Variants in ARHGAP30 observed in about 807,000 individuals in gnomAD.
ARHGAP30 encodes the protein Rho GTPase activating protein 30, also known as rho GTPase-activating protein 30.
ARHGAP30 carries 23 observed loss-of-function variants against 72.0 expected under a neutral mutation model. The ratio of observed to expected loss-of-function variants is 0.32; its 90% confidence interval spans 0.23 to 0.45. ARHGAP30 has a LOEUF of 0.45. Ranked by LOEUF, ARHGAP30 falls within the 20% of genes least tolerant of loss-of-function variation. The pLI, the probability that ARHGAP30 is intolerant of heterozygous loss-of-function variation, is 1.00. For synonymous variants in ARHGAP30, 576 were observed against 528.2 expected (o/e 1.09, Z -1.24); for missense variants, 1,319 against 1,383.4 (o/e 0.95, Z 0.74).
At chr1:161,064,182 G>T (rs1652521976) in intron 1 of ARHGAP30, among the ~76,000 whole-genome samples, 1 of 152,172 alleles carries the variant, frequency 6.6e-6, no homozygotes, top group African/African-American at 2.4e-5. Context: ...GGGCATCACG[G>T]ATCCTACCAA....
Position 161,048,859 on chromosome 1 carries a change from T to G in ARHGAP30, c.2162A>C (p.Lys721Thr). 1 of 1,614,164 alleles carries G rather than the reference T, an allele frequency of 6.2e-7. No homozygotes were observed. Among genetic ancestry groups the G allele is most frequent in the Non-Finnish European group, 8.5e-7 (1 of 1,180,040 alleles). The change falls in exon 12 of 12, where the codon AAA becomes ACA. Residue 721 changes from lysine to threonine, a missense_variant. Physicochemically the swap from Lys to Thr is moderately conservative, Grantham distance 78. This residue lies in a region of ARHGAP30 where 1,097 missense variants were observed against 1,045.2 expected (regional missense o/e 1.05). Coordinates refer to ENST00000368013, the MANE Select transcript of ARHGAP30 (RefSeq NM_001025598.2). ...EETEAKEEKSKGQKKADSMEA... is the reference protein window; with the variant it reads ...EETEAKEEKSTGQKKADSMEA... Reference sequence around the variant, plus strand: ...CATACTGTCAGCCTTCTTCTGACCTTTGGACTTCTCTTCCTTGGCCTCTGT... The same window carrying G: ...CATACTGTCAGCCTTCTTCTGACCTGTGGACTTCTCTTCCTTGGCCTCTGT...
intron 10 of ARHGAP30, among the ~76,000 whole-genome samples, chr1:161,050,064 A>G (rs1463936443): frequency 2.6e-5 from 4 of 152,290 alleles, no homozygotes; most frequent in Admixed American, 6.5e-5. Context: ...TCTATAGCCC[A>G]TGTTCTTACC....
intron 1 of ARHGAP30, among the ~76,000 whole-genome samples, chr1:161,068,517 C>T (rs1652928629): frequency 6.6e-6 from 1 of 152,062 alleles, no homozygotes; most frequent in Non-Finnish European, 1.5e-5. Context: ...AGCACCACAG[C>T]CCAGAGCAGA....
rs559291977 is a variant in ARHGAP30 at position 161,066,022 on chromosome 1, G to A, written c.97+3506C>T. Reference sequence around the variant, plus strand: ...TGGGACTACAGGCGCACACCACCATGTCCAGCTAATTTTTGTATTTTTAGT... The same window carrying A: ...TGGGACTACAGGCGCACACCACCATATCCAGCTAATTTTTGTATTTTTAGT... On this transcript the variant is annotated intron_variant, in intron 1 of 11. Coordinates refer to ENST00000368013, the MANE Select transcript of ARHGAP30 (RefSeq NM_001025598.2). Among the ~76,000 whole-genome samples, 13 of 150,916 alleles carry A rather than the reference G, an allele frequency of 8.6e-5. 1 individual carries two copies. The South Asian group carries it at 2.7e-3, about 31-fold the overall frequency.
At chr1:161,058,942 C>T (rs1652115683) in intron 2 of ARHGAP30, among the ~76,000 whole-genome samples, 1 of 151,652 alleles carries the variant, frequency 6.6e-6, no homozygotes, top group South Asian at 2.1e-4. Flanking sequence ...GTAAATATAC[C>T]ATGTGAATAG....
rs1428024818 is a variant in ARHGAP30 at position 161,055,861 on chromosome 1, A to T, written c.345+527T>A. ...ATAAAATAAATAAAATAAAATAAAT[A>T]AAATAAAATAAAATAAAATAAAAAT... is the stretch of plus-strand genomic sequence containing the variant. On this transcript the variant is annotated intron_variant, in intron 3 of 11. Transcript: ENST00000368013. Among the ~76,000 whole-genome samples, 74 of 18,304 alleles carry T rather than the reference A, an allele frequency of 4.0e-3. 1 individual carries two copies. The highest frequency in any genetic ancestry group is 0.022 in the Middle Eastern group (1 of 46). 12.0% of individuals were successfully genotyped at this position (18,304 alleles called of 152,430 possible).
Position 161,048,111 on chromosome 1 carries a change from C to T in ARHGAP30, c.2910G>A (p.Arg970=). 6.2e-7 allele frequency: 1 copy of T among 1,614,126 alleles called. No homozygotes were observed. Among genetic ancestry groups the T allele is most frequent in the South Asian group, 1.1e-5 (1 of 91,082 alleles). Residue 970 remains arginine (R), a synonymous_variant, in exon 12 of 12, where the codon CGG becomes CGA. Coordinates refer to ENST00000368013, the MANE Select transcript of ARHGAP30 (RefSeq NM_001025598.2). ...APANPCPRPG[R]LDGTPGERAW... ...CCCTTTCTCCAGGAGTCCCATCAAGCCGGCCAGGCCTCGGGCATGGATTTG... is the reference window on the plus strand; with the variant it reads ...CCCTTTCTCCAGGAGTCCCATCAAGTCGGCCAGGCCTCGGGCATGGATTTG...
chr1:161,052,730 A>G lies in ARHGAP30; in HGVS notation c.732T>C (p.Leu244=). 1 of 1,612,414 alleles carries G rather than the reference A, an allele frequency of 6.2e-7. No homozygotes were observed. The highest frequency in any genetic ancestry group is 8.5e-7 in the Non-Finnish European group (1 of 1,179,978). ...GGTGATAAGGCAGTGGCCTGGGCAT[A>G]AGGTCCTCGGGGCTGCCTGATGCCC... ...GTRASGSPED[L]MPRPLPYHLP... Residue 244 remains leucine, a synonymous_variant, in exon 7 of 12, where the codon CTT becomes CTC. Coordinates refer to ENST00000368013, the MANE Select transcript of ARHGAP30 (RefSeq NM_001025598.2).
chr1:161,050,872 C>T (rs967573366), intron 10 of ARHGAP30, among the ~76,000 whole-genome samples: 4 of 152,148 alleles, frequency 2.6e-5, no homozygotes, highest in Non-Finnish European at 5.9e-5. Context: ...GAACTCCTGA[C>T]CTCAGGTGAT....
At chr1:161,065,805 G>A (rs563390434) in intron 1 of ARHGAP30, among the ~76,000 whole-genome samples, 3 of 151,962 alleles carry the variant, frequency 2.0e-5, no homozygotes, top group Non-Finnish European at 4.4e-5. Flanking sequence ...GACCTCAGGT[G>A]ATCCACCCAC....
In ARHGAP30 at chr1:161,056,382, A is replaced by G; in HGVS notation, c.345+6T>C. The G allele has an allele frequency of 6.2e-7, 1 of 1,613,178 alleles. No homozygotes were observed. Among genetic ancestry groups the G allele is most frequent in the Non-Finnish European group, 8.5e-7 (1 of 1,179,660 alleles). On this transcript the variant is annotated splice_donor_region_variant and intron_variant, in intron 3 of 11. Coordinates refer to ENST00000368013, the MANE Select transcript of ARHGAP30 (RefSeq NM_001025598.2). Reference sequence around the variant, plus strand: ...CTGTCTTCCACCCCTCGGCCTCTCAACTCACAGCAAACTTGTCATAGAGCC... The same window carrying G: ...CTGTCTTCCACCCCTCGGCCTCTCAGCTCACAGCAAACTTGTCATAGAGCC...
chr1:161,055,804 T>TAATAAAATAAAATAAAATAAAATAA (rs1164321296), intron 3 of ARHGAP30, among the ~76,000 whole-genome samples: 5 of 45,134 alleles, frequency 1.1e-4, no homozygotes, highest in Admixed American at 2.5e-4. Context: ...TAAAATAAAA[T>TAATAAAATAAAATAAAATAAAATAA]AATAAAATAA....
rs1429866390 is a variant in ARHGAP30 at position 161,048,430 on chromosome 1, C to T, written c.2591G>A (p.Gly864Asp). 2 of 1,614,134 alleles carry T rather than the reference C, an allele frequency of 1.2e-6. No homozygotes were observed. The highest frequency in any genetic ancestry group is 2.2e-5 in the South Asian group (2 of 91,084). ...YYLEEDTLSE[G>D]SGVASLEVDC... is the part of the protein sequence containing the mutation. ...AACCTCCAGGGACGCTACACCTGAA[C>T]CTTCAGAGAGGGTGTCCTCTTCTAA... The change falls in exon 12 of 12, where the codon GGT becomes GAT. Residue 864 changes from glycine (G) to aspartate (D), a missense_variant. Gly to Asp is a moderately conservative substitution (Grantham distance 94, BLOSUM62 -1). This residue lies in a region of ARHGAP30 where 1,097 missense variants were observed against 1,045.2 expected (regional missense o/e 1.05). Transcript: ENST00000368013.
At chr1:161,058,078 A>C (rs1156727852) in intron 2 of ARHGAP30, among the ~76,000 whole-genome samples, 5 of 151,436 alleles carry the variant, frequency 3.3e-5, no homozygotes, top group Non-Finnish European at 7.4e-5. Flanking sequence ...TTGAACCCGC[A>C]AGGTGGAGGT....
intron 1 of ARHGAP30, among the ~76,000 whole-genome samples, chr1:161,068,989 C>T (rs191372849): frequency 1.7e-3 from 260 of 152,180 alleles, no homozygotes; most frequent in African/African-American, 5.8e-3. Flanking sequence ...GTTTCCAGCC[C>T]GACATCATCC....
Sources: gnomAD v4.1 joint callset for allele counts (sites outside exome capture counted in the v4.1 genomes callset) on GRCh38, gnomAD v4.1.1 for gene constraint, gnomAD v4.1.1 regional missense constraint, MANE v1.5 for transcripts, NCBI Gene and HGNC (gene_info 2026-07-23, HGNC 2026-07-21) for gene names.